The following SNPH variants were observed in gnomAD, a reference collection of about 807,000 sequenced individuals.
SNPH encodes syntaphilin.
SNPH carries 10 observed loss-of-function variants against 36.8 expected under a neutral mutation model. The observed-to-expected ratio is 0.27, with a 90% CI of 0.17 to 0.46. SNPH has a LOEUF of 0.46. SNPH is among the 20% of genes least tolerant of loss of function. The pLI is 1.00. For missense variants in SNPH, 622 were observed against 744.0 expected (o/e 0.84, Z 1.91); for synonymous variants, 281 against 312.2 (o/e 0.90, Z 1.05).
rs1342842630 is a variant in SNPH, at chr20:1,266,830, C to A, written c.-493+70C>A. ...CGCGGCAGGTGGGGGCCGCTTGCAA[C>A]CGCTCGCTGCGGTAGAATCCCTTGG... is the stretch of plus-strand genomic sequence containing the variant. On this transcript the variant is annotated intron_variant, in intron 2 of 6. Coordinates refer to ENST00000381867, the MANE Select transcript of SNPH (RefSeq NM_001318234.2). The surrounding 1 kb of genome is among the most constrained non-coding windows in gnomAD (Gnocchi z 6.0). 1.3e-5 allele frequency: 17 copies of A among 1,304,238 alleles called. No homozygotes were observed. Among genetic ancestry groups the A allele is most frequent in the Non-Finnish European group, 1.7e-5 (17 of 1,026,922 alleles). The allele number at this position is 1,304,238 out of a possible 1,614,324, so 80.8% of individuals were successfully genotyped here. A position where few individuals can be genotyped will look rare whatever the true frequency, so the allele number is the denominator to read the frequency against.
chr20:1,297,580 G>A (rs2088454464), intron 5 of SNPH, among the ~76,000 whole-genome samples: 1 of 152,214 alleles, frequency 6.6e-6, no homozygotes, highest in African/African-American at 2.4e-5. Context: ...CATCCTTGGT[G>A]TACAGCTTTT....
chr20:1,290,759 G>A (rs1041135566), intron 2 of SNPH, among the ~76,000 whole-genome samples: 2 of 152,134 alleles, frequency 1.3e-5, no homozygotes, highest in African/African-American at 4.8e-5. Context: ...AACTTTTCGA[G>A]GAACCACCAA....
At chr20:1,268,884 ATTG>A (rs1004120932) in intron 2 of SNPH, among the ~76,000 whole-genome samples, 3 of 152,120 alleles carry the variant, frequency 2.0e-5, no homozygotes, top group Admixed American at 2.0e-4. Context: ...TATTATTGCT[ATTG>A]TTGGTGATTA....
At chr20:1,268,829 G>A (rs1026032644) in intron 2 of SNPH, among the ~76,000 whole-genome samples, 2 of 152,154 alleles carry the variant, frequency 1.3e-5, no homozygotes, top group Non-Finnish European at 2.9e-5. Context: ...GTAGGACATC[G>A]TCCAGGTTGT....
Position 1,306,008 on chromosome 20 carries a change from TGAGCCAGCC to T in SNPH, c.1575_1583del (p.Gln526_Ser528del), listed in dbSNP as rs1035780238. 1.8e-4 allele frequency: 280 copies of T among 1,524,450 alleles called. No individual in the cohort carries two copies. The highest frequency in any genetic ancestry group is 2.3e-4 in the Non-Finnish European group (263 of 1,136,848). 94.4% of individuals were successfully genotyped at this position (1,524,450 alleles called of 1,614,324 possible). A position where few individuals can be genotyped will look rare whatever the true frequency, so the allele number is the denominator to read the frequency against. ...ATCCGCAGGATCAGCTGCCGCTCGC[TGAGCCAGCC>T]GAGTCCCAGCCCAGCGGGCGGCGGC... On this transcript the variant is annotated inframe_deletion, in exon 7 of 7. Coordinates refer to ENST00000381867, the MANE Select transcript of SNPH (RefSeq NM_001318234.2).
chr20:1,290,786 G>A (rs1373031693), intron 2 of SNPH, among the ~76,000 whole-genome samples: 1 of 152,176 alleles, frequency 6.6e-6, no homozygotes, highest in Non-Finnish European at 1.5e-5. Flanking sequence ...TTCCATAGCA[G>A]CAGCGTCATT....
At chr20:1,269,870 A>G (rs2088051789) in intron 2 of SNPH, among the ~76,000 whole-genome samples, 1 of 152,208 alleles carries the variant, frequency 6.6e-6, no homozygotes, top group South Asian at 2.1e-4. Flanking sequence ...TGTAGGCACT[A>G]TATATAAATT....
chr20:1,304,253 T>C lies in SNPH; in HGVS notation c.441-625T>C, dbSNP rs938185234. 6.6e-6 allele frequency among the ~76,000 whole-genome samples: 1 copy of C among 152,148 alleles called. No homozygotes were observed. The highest frequency in any genetic ancestry group is 1.5e-5 in the Non-Finnish European group (1 of 68,032). ...GCATGGATAGATGAGAGCCACCCTG[T>C]TCTTATCACTCTCCCGTTCCACCCA... On this transcript the variant is annotated intron_variant, in intron 6 of 6. Transcript: ENST00000381867. The surrounding 1 kb of genome is among the most constrained non-coding windows in gnomAD (Gnocchi z 4.3).
rs867056045 is a variant in SNPH, at chr20:1,304,558, A to T, written c.441-320A>T. 4.9e-5 allele frequency among the ~76,000 whole-genome samples: 7 copies of T among 142,368 alleles called. No homozygotes were observed. In the South Asian group the frequency reaches 9.5e-4, roughly 19 times the overall value. The allele number at this position is 142,368 out of a possible 152,430, so 93.4% of individuals were successfully genotyped here. ...TGTTGTCTAGTCTCTTCTCTAGATGATGGATTTGAATGTTGAGAGTTGTCG... is the reference window on the plus strand; with the variant it reads ...TGTTGTCTAGTCTCTTCTCTAGATGTTGGATTTGAATGTTGAGAGTTGTCG... On this transcript the variant is annotated intron_variant, in intron 6 of 6. Transcript: ENST00000381867. This position sits in a 1 kb window ranked among gnomAD's most constrained non-coding sequence, Gnocchi z 4.3.
rs774307573 is a variant in SNPH, at chr20:1,305,106, G to A, written c.669G>A (p.Thr223=). 2.7e-5 allele frequency: 44 copies of A among 1,613,822 alleles called. No homozygotes were observed. Among genetic ancestry groups the A allele is most frequent in the Non-Finnish European group, 3.4e-5 (40 of 1,180,044 alleles). The stretch of plus-strand genomic sequence containing the variant: ...ACATCCAGAACAAGAAGCTGGAGAC[G>A]CTGCTGCACAGCATGGAGGTGGCCC... The part of the protein sequence containing the change: ...DINIQNKKLE[T]LLHSMEVAQN... Residue 223 remains threonine (T), a synonymous_variant, in exon 7 of 7, where the codon ACG becomes ACA. Transcript: ENST00000381867.
chr20:1,296,141 A>C lies in SNPH; in HGVS notation c.-99A>C. ...TGTGGTTTTAAGTTGGGTGGTGGGA[A>C]CCTGTGCACCAGCCCTATTCAATTC... On this transcript the variant is annotated 5_prime_UTR_variant, in exon 4 of 7. Coordinates refer to ENST00000381867, the MANE Select transcript of SNPH (RefSeq NM_001318234.2). The C allele has an allele frequency of 9.7e-7, 1 of 1,028,806 alleles. No homozygotes were observed. Among genetic ancestry groups the C allele is most frequent in the Non-Finnish European group, 1.4e-6 (1 of 736,220 alleles). The allele number at this position is 1,028,806 out of a possible 1,614,324, so 63.7% of individuals were successfully genotyped here. A position where few individuals can be genotyped will look rare whatever the true frequency, so the allele number is the denominator to read the frequency against.
chr20:1,279,979 G>A (rs117647691), intron 2 of SNPH, among the ~76,000 whole-genome samples: 90 of 152,314 alleles, frequency 5.9e-4, no homozygotes, highest in South Asian at 2.3e-3. Context: ...GGCGAGGAGC[G>A]TGTGTCAGTG....
rs2088567971 is a variant in SNPH at position 1,305,786 on chromosome 20, A to C, written c.1349A>C (p.Glu450Ala). The C allele has an allele frequency of 8.1e-6, 13 of 1,605,574 alleles. No homozygotes were observed. In the East Asian group the frequency reaches 2.9e-4, roughly 36 times the overall value. The change falls in exon 7 of 7, where the codon GAG becomes GCG. Residue 450 changes from glutamate (E) to alanine (A), a missense_variant. Around this residue, in one of 3 missense-constraint regions of SNPH, gnomAD observed 379 missense variants for 427.9 expected, o/e 0.89. Coordinates refer to ENST00000381867, the MANE Select transcript of SNPH (RefSeq NM_001318234.2). Reference sequence around the variant, plus strand: ...GTGAGCGTGGTGTGCCCCATGGAAGAGGAGGAGGAGGCTGCCGTGGCTGAG... The same window carrying C: ...GTGAGCGTGGTGTGCCCCATGGAAGCGGAGGAGGAGGCTGCCGTGGCTGAG... ...QSVSVVCPME[E>A]EEEAAVAEKE... is the part of the protein sequence containing the mutation.
intron 2 of SNPH, among the ~76,000 whole-genome samples, chr20:1,274,669 G>A (rs907186556): frequency 3.3e-5 from 5 of 152,196 alleles, no homozygotes; most frequent in Admixed American, 1.3e-4. Context: ...GCTGGCACTC[G>A]GGAAGGGAGC....
intron 2 of SNPH, among the ~76,000 whole-genome samples, chr20:1,274,674 G>A (rs1294402097): frequency 6.6e-6 from 1 of 152,220 alleles, no homozygotes; most frequent in African/African-American, 2.4e-5. Context: ...CACTCGGGAA[G>A]GGAGCGGAAG....
intron 2 of SNPH, among the ~76,000 whole-genome samples, chr20:1,275,358 C>A (rs2088119564): frequency 6.6e-6 from 1 of 152,194 alleles, no homozygotes; most frequent in Non-Finnish European, 1.5e-5. Context: ...ACTGCTTCCT[C>A]CTGTCTCTAT....
At chr20:1,270,306 C>T (rs1386502347) in intron 2 of SNPH, among the ~76,000 whole-genome samples, 5 of 150,430 alleles carry the variant, frequency 3.3e-5, no homozygotes, top group South Asian at 4.2e-4. Flanking sequence ...GACACCTAAA[C>T]GTGTAGATAT....
intron 2 of SNPH, among the ~76,000 whole-genome samples, chr20:1,293,854 G>A (rs948333178): frequency 2.6e-5 from 4 of 152,310 alleles, no homozygotes; most frequent in Non-Finnish European, 5.9e-5. Flanking sequence ...TAGTGGCAGG[G>A]ACAGCTGGGA....
intron 2 of SNPH, among the ~76,000 whole-genome samples, chr20:1,271,694 A>G (rs1184743433): frequency 6.6e-6 from 1 of 152,210 alleles, no homozygotes; most frequent in African/African-American, 2.4e-5. Context: ...TAAGATAAAT[A>G]TAACAAAAGG....
Sources: allele counts gnomAD v4.1 joint callset (sites outside exome capture counted in the v4.1 genomes callset), GRCh38; gene constraint gnomAD v4.1.1; regional missense constraint gnomAD v4.1.1; non-coding constraint Gnocchi (gnomAD v3.1); transcripts MANE v1.5; gene names NCBI Gene and HGNC (gene_info 2026-07-23, HGNC 2026-07-21).